RAB22A: variants seen among roughly 807,000 people sequenced by gnomAD.
The protein encoded by RAB22A is RAB22A, member RAS oncogene family.
Under a neutral mutation model 30.2 loss-of-function variants are expected in RAB22A, and 13 were observed. The ratio of observed to expected loss-of-function variants is 0.43; its 90% CI spans 0.28 to 0.68. The LOEUF is 0.68. Among genes scored for constraint, RAB22A ranks in the 30% least tolerant of loss-of-function variants. The pLI, the probability that RAB22A is intolerant of heterozygous loss-of-function variation, is 0.18. For synonymous variants in RAB22A, 89 were observed against 87.2 expected, an observed-to-expected ratio of 1.02 and a Z score of -0.11; for missense variants, 177 against 246.8, an observed-to-expected ratio of 0.72 and a Z score of 1.89.
At chr20:58,321,167 G>C (rs1326227601) in intron 2 of RAB22A, among the ~76,000 whole-genome samples, 1 of 150,426 alleles carries the variant, frequency 6.6e-6, no homozygotes, top group East Asian at 1.9e-4. Flanking sequence ...CTCCAGCCTG[G>C]TGACAGAGCA....
At chr20:58,336,380 G>A (rs765291410) in intron 2 of RAB22A, among the ~76,000 whole-genome samples, 35 of 152,008 alleles carry the variant, frequency 2.3e-4, no homozygotes, top group Non-Finnish European at 3.2e-4. Flanking sequence ...ACTTCCCTTC[G>A]TCTTGTCTGT....
intron 2 of RAB22A, among the ~76,000 whole-genome samples, chr20:58,324,398 T>A (rs1468745297): frequency 6.6e-6 from 1 of 152,232 alleles, no homozygotes; most frequent in South Asian, 2.1e-4. Context: ...CCCGTTTTCA[T>A]TTCTGATATT....
intron 2 of RAB22A, among the ~76,000 whole-genome samples, chr20:58,328,620 T>C (rs994156197): frequency 6.6e-6 from 1 of 152,182 alleles, no homozygotes; most frequent in Admixed American, 6.5e-5. Flanking sequence ...TAAAAAAAGA[T>C]GATAACATTG....
chr20:58,340,151 T>C (rs1420705512), intron 2 of RAB22A, among the ~76,000 whole-genome samples: 1 of 152,166 alleles, frequency 6.6e-6, no homozygotes. Context: ...AAACTCCTGA[T>C]TCAAACGTGA....
chr20:58,328,382 C>CT (rs926139684), intron 2 of RAB22A, among the ~76,000 whole-genome samples: 9 of 152,106 alleles, frequency 5.9e-5, no homozygotes, highest in African/African-American at 9.7e-5. Context: ...CAGGGTCTGG[C>CT]TATGTTGCCC....
At chr20:58,326,488 G>GTTTGT (rs986129799) in intron 2 of RAB22A, among the ~76,000 whole-genome samples, 34 of 151,934 alleles carry the variant, frequency 2.2e-4, no homozygotes, top group African/African-American at 8.2e-4. Flanking sequence ...TTTTTTGTTT[G>GTTTGT]TTTGTTTTGT....
At chr20:58,358,803 G>A (rs1987176024) in intron 6 of RAB22A, among the ~76,000 whole-genome samples, 1 of 151,886 alleles carries the variant, frequency 6.6e-6, no homozygotes, top group Admixed American at 6.6e-5. Flanking sequence ...GCTGAGGTGG[G>A]AGAATCGCTT....
At chr20:58,331,181 T>G (rs1395164779) in intron 2 of RAB22A, among the ~76,000 whole-genome samples, 3 of 152,222 alleles carry the variant, frequency 2.0e-5, no homozygotes, top group Admixed American at 2.0e-4. Flanking sequence ...CTTTTTGAAA[T>G]GTTCTCCCCC....
chr20:58,354,586 G>A, intron 6 of RAB22A, among the ~76,000 whole-genome samples: 1 of 152,176 alleles, frequency 6.6e-6, no homozygotes, highest in Middle Eastern at 3.4e-3. Flanking sequence ...TGAACAAAAT[G>A]AATAAAGGGA....
chr20:58,334,169 A>G (rs1202632014), intron 2 of RAB22A, among the ~76,000 whole-genome samples: 1 of 152,030 alleles, frequency 6.6e-6, no homozygotes, highest in East Asian at 1.9e-4. Flanking sequence ...CGTCTCTACT[A>G]AAAACACAAA....
At chr20:58,335,260 G>A (rs868340428) in intron 2 of RAB22A, among the ~76,000 whole-genome samples, 23 of 152,294 alleles carry the variant, frequency 1.5e-4, no homozygotes, top group South Asian at 4.1e-4. Context: ...CTGTTATGCC[G>A]TCACCTCATT....
chr20:58,353,312 G>T lies in RAB22A; in HGVS notation c.238G>T (p.Ala80Ser). ...LAPMYYRGSA[A>S]AIIVYDITKE... ...ACCAATGTACTATCGAGGGTCGGCTGCAGCTATAATCGTTTATGATATCAC... is the reference window on the plus strand; with the variant it reads ...ACCAATGTACTATCGAGGGTCGGCTTCAGCTATAATCGTTTATGATATCAC... Residue 80 changes from alanine (A) to serine (S), a missense_variant, in exon 4 of 7, where the codon GCA becomes TCA. Ala to Ser is a moderately conservative substitution (Grantham distance 99). Transcript: ENST00000244040. 1 of 1,614,090 alleles carries T rather than the reference G, an allele frequency of 6.2e-7. No individual in the cohort carries two copies. Among genetic ancestry groups the T allele is most frequent in the East Asian group, 2.2e-5 (1 of 44,870 alleles).
chr20:58,354,016 G>A, intron 5 of RAB22A, 140 bp from the exon 6 acceptor site: 1 of 562,282 alleles, frequency 1.8e-6, no homozygotes, highest in Non-Finnish European at 3.2e-6. Flanking sequence ...GTGTAATCGA[G>A]AAGACCATGT....
intron 3 of RAB22A, among the ~76,000 whole-genome samples, chr20:58,350,848 GT>G (rs1987036260): frequency 6.6e-6 from 1 of 152,148 alleles, no homozygotes; most frequent in Non-Finnish European, 1.5e-5. Flanking sequence ...AGAAACGTAT[GT>G]TTTTTCTTCT....
chr20:58,352,897 A>C (rs1987076787), intron 3 of RAB22A, among the ~76,000 whole-genome samples: 1 of 152,260 alleles, frequency 6.6e-6, no homozygotes. Flanking sequence ...TCTCTGGAGA[A>C]CTATTTATAG....
At chr20:58,312,017 G>A (rs969698077) in intron 2 of RAB22A, among the ~76,000 whole-genome samples, 2 of 152,092 alleles carry the variant, frequency 1.3e-5, no homozygotes, top group Admixed American at 6.5e-5. Context: ...GTGCAATGGC[G>A]CAATCTTGGC....
At chr20:58,341,321 G>C (rs376229501) in intron 2 of RAB22A, among the ~76,000 whole-genome samples, 4 of 152,160 alleles carry the variant, frequency 2.6e-5, no homozygotes, top group African/African-American at 9.7e-5. Flanking sequence ...CAGACAAAGC[G>C]TAGAATCTTC....
At chr20:58,346,395 G>A (rs1326757338) in intron 3 of RAB22A, among the ~76,000 whole-genome samples, 3 of 152,124 alleles carry the variant, frequency 2.0e-5, no homozygotes, top group Non-Finnish European at 2.9e-5. Flanking sequence ...GGCCTCCCCC[G>A]GGGCTCCTCT....
At chr20:58,323,681 G>A (rs1986502767) in intron 2 of RAB22A, among the ~76,000 whole-genome samples, 1 of 148,830 alleles carries the variant, frequency 6.7e-6, no homozygotes. Context: ...TGTTGTTCGG[G>A]ATAGATTTGA....
Sources: allele counts gnomAD v4.1 joint callset (sites outside exome capture counted in the v4.1 genomes callset), GRCh38; gene constraint gnomAD v4.1.1; transcripts MANE v1.5; gene names NCBI Gene and HGNC (gene_info 2026-07-23, HGNC 2026-07-21).